ZFYVE16: variants seen among roughly 807,000 people sequenced by gnomAD.
ZFYVE16 encodes the protein zinc finger FYVE domain-containing protein 16.
ZFYVE16 carries 89 observed loss-of-function variants against 138.1 expected under a neutral mutation model. The ratio of observed to expected loss-of-function variants is 0.64; its 90% CI spans 0.54 to 0.77. The LOEUF (loss-of-function observed/expected upper bound fraction) is 0.77. Among genes scored for constraint, ZFYVE16 ranks in the 30% least tolerant of loss-of-function variants. ZFYVE16 has a pLI of 0.00. For missense variants in ZFYVE16, 1,793 were observed against 1,786.7 expected (o/e 1.00, Z -0.06); for synonymous variants, 596 against 618.3 (o/e 0.96, Z 0.53).
At chr5:80,410,849 C>G (rs1190456032) in intron 1 of ZFYVE16, among the ~76,000 whole-genome samples, 3 of 147,602 alleles carry the variant, frequency 2.0e-5, no homozygotes, top group Non-Finnish European at 4.5e-5. Flanking sequence ...ATTGCAGGTA[C>G]GAGCCACCTC....
At chr5:80,430,219 C>T (rs1748787869) in intron 2 of ZFYVE16, among the ~76,000 whole-genome samples, 2 of 152,190 alleles carry the variant, frequency 1.3e-5, no homozygotes, top group East Asian at 3.9e-4. Context: ...TGTAAAAGAA[C>T]AGAAATTATA....
At chr5:80,464,198 G>A (rs968297983) in intron 15 of ZFYVE16, among the ~76,000 whole-genome samples, 5 of 152,088 alleles carry the variant, frequency 3.3e-5, no homozygotes, top group African/African-American at 9.7e-5. Flanking sequence ...TTCTCATGCT[G>A]CTATAAGGAC....
At chr5:80,443,748 C>G (rs1354384811) in intron 6 of ZFYVE16, 1 of 456,330 alleles carries the variant, frequency 2.2e-6, no homozygotes, top group Admixed American at 2.3e-5. Context: ...GAACCAGAAA[C>G]AAAGAATTCC....
At chr5:80,413,002 T>G (rs1023346715) in intron 1 of ZFYVE16, among the ~76,000 whole-genome samples, 5 of 150,552 alleles carry the variant, frequency 3.3e-5, no homozygotes, top group African/African-American at 1.2e-4. Flanking sequence ...TAGTGAGACC[T>G]TGTCTCCACA....
At chr5:80,448,791 A>C (rs1177179038) in intron 8 of ZFYVE16, among the ~76,000 whole-genome samples, 1 of 152,076 alleles carries the variant, frequency 6.6e-6, no homozygotes, top group Admixed American at 6.6e-5. Context: ...CTTGTCTGCT[A>C]CTTTTTACAT....
At chr5:80,449,974 C>T (rs1251997557) in intron 9 of ZFYVE16, among the ~76,000 whole-genome samples, 2 of 152,106 alleles carry the variant, frequency 1.3e-5, no homozygotes, top group Non-Finnish European at 2.9e-5. Flanking sequence ...TATTTTGATA[C>T]TCATGATACA....
intron 16 of ZFYVE16, among the ~76,000 whole-genome samples, chr5:80,473,334 A>G (rs1225548031): frequency 6.6e-6 from 1 of 152,212 alleles, no homozygotes; most frequent in African/African-American, 2.4e-5. Context: ...TATTTACATT[A>G]GAGGCCTTAC....
In ZFYVE16 at chr5:80,409,445, C is replaced by T. The variant is rs183035851; in HGVS notation, c.-94+1292C>T. ...CCAATAGAGTTTTTGGTTCCTAATG[C>T]TGCAGTATATTTACCATTTTGGAAA... On this transcript the variant is annotated intron_variant, in intron 1 of 18. Coordinates refer to ENST00000505560, the MANE Select transcript of ZFYVE16 (RefSeq NM_001284236.3). 6.1e-3 allele frequency among the ~76,000 whole-genome samples: 932 copies of T among 152,228 alleles called. 10 individuals are homozygous for T. Among genetic ancestry groups the T allele is most frequent in the African/African-American group, 0.021 (860 of 41,536 alleles).
chr5:80,415,369 G>A (rs754376314), intron 1 of ZFYVE16, among the ~76,000 whole-genome samples: 33 of 151,942 alleles, frequency 2.2e-4, no homozygotes, highest in Admixed American at 3.9e-4. Flanking sequence ...TACTTTATTC[G>A]CATTTCCTCA....
intron 1 of ZFYVE16, chr5:80,411,543 A>T (rs1344102232): frequency 6.6e-6 from 1 of 152,218 alleles, no homozygotes; most frequent in South Asian, 2.1e-4. Flanking sequence ...AGTACATATA[A>T]CTGGGCAAAG....
rs1750170995 is a variant in ZFYVE16 at position 80,437,909 on chromosome 5, A to G, written c.1224A>G (p.Gln408=). ...LPQHEHKDNI[Q]DAVTIHEEIQ... is the part of the protein sequence containing the mutation. The stretch of plus-strand genomic sequence containing the variant: ...AGCATGAACATAAAGATAATATACA[A>G]GATGCAGTGACTATACATGAAGAAA... Residue 408 remains glutamine (Q), a synonymous_variant, in exon 4 of 19, where the codon CAA becomes CAG. Transcript: ENST00000505560. 6.2e-7 allele frequency: 1 copy of G among 1,613,938 alleles called. No homozygotes were observed. The highest frequency in any genetic ancestry group is 8.5e-7 in the Non-Finnish European group (1 of 1,179,960).
chr5:80,474,687 G>T lies in ZFYVE16; in HGVS notation c.4318G>T (p.Asp1440Tyr), dbSNP rs753351362. Residue 1440 changes from aspartate (D) to tyrosine (Y), a missense_variant, in exon 18 of 19, where the codon GAT becomes TAT. Transcript: ENST00000505560. ...TEVFYFLKDQ[D>Y]LSILSTSYQF... ...GGTGTTCTACTTTCTAAAGGACCAG[G>T]ATTTATCTATTTTATCAACTTCTTA... is the stretch of plus-strand genomic sequence containing the variant. 1.2e-6 allele frequency: 2 copies of T among 1,613,284 alleles called. No homozygotes were observed. Among genetic ancestry groups the T allele is most frequent in the Non-Finnish European group, 1.7e-6 (2 of 1,179,534 alleles).
intron 1 of ZFYVE16, among the ~76,000 whole-genome samples, chr5:80,422,655 A>G (rs56082733): frequency 1.3e-5 from 2 of 152,100 alleles, no homozygotes; most frequent in African/African-American, 2.4e-5. Context: ...GGGTTTCACC[A>G]TGTTGGCCTG....
rs1351595170 is a variant in ZFYVE16 at position 80,480,387 on chromosome 5, A to G, written c.*3010A>G. 6.6e-6 allele frequency among the ~76,000 whole-genome samples: 1 copy of G among 151,914 alleles called. No homozygotes were observed. The highest frequency in any genetic ancestry group is 2.4e-5 in the African/African-American group (1 of 41,398). Reference sequence around the variant, plus strand: ...TGGGGTAGTTTATAAACTGGAAGATAACTCAGGAGAAACTATTCACAGTGC... The same window carrying G: ...TGGGGTAGTTTATAAACTGGAAGATGACTCAGGAGAAACTATTCACAGTGC... On this transcript the variant is annotated 3_prime_UTR_variant, in exon 19 of 19. Coordinates refer to ENST00000505560, the MANE Select transcript of ZFYVE16 (RefSeq NM_001284236.3).
At position 80,449,679 on chromosome 5, in the gene ZFYVE16, T is replaced by C; in HGVS notation, c.3192T>C (p.Asn1064=). 6.2e-7 allele frequency: 1 copy of C among 1,609,072 alleles called. No homozygotes were observed. Among genetic ancestry groups the C allele is most frequent in the Non-Finnish European group, 8.5e-7 (1 of 1,177,850 alleles). The change falls in exon 9 of 19, where the codon AAT becomes AAC. Residue 1064 remains asparagine (N), a synonymous_variant. Transcript: ENST00000505560. ...ESFHPVTFVL[N]ANLLVNVKFI... is the part of the protein sequence containing the mutation. ...TTCATCCTGTTACATTTGTCCTAAA[T>C]GCTAATCTACTCGTGAATGTCAAAT...
At position 80,474,738 on chromosome 5, in the gene ZFYVE16, G is replaced by A; in HGVS notation, c.4369G>A (p.Ala1457Thr). 5.0e-6 allele frequency: 8 copies of A among 1,613,922 alleles called. No homozygotes were observed. Among genetic ancestry groups the A allele is most frequent in the Non-Finnish European group, 6.8e-6 (8 of 1,179,892 alleles). ...SYQFAKEIAMACSAALCPHLK... is the reference protein window; with the variant it reads ...SYQFAKEIAMTCSAALCPHLK... ...TCAGTTTGCAAAAGAAATAGCCATGGCTTGTAGTGCTGCGCTGTGCCCTCA... is the reference window on the plus strand; with the variant it reads ...TCAGTTTGCAAAAGAAATAGCCATGACTTGTAGTGCTGCGCTGTGCCCTCA... Residue 1457 changes from alanine (A) to threonine (T), a missense_variant, in exon 18 of 19, where the codon GCT (alanine) becomes ACT (threonine). Transcript: ENST00000505560.
Position 80,440,295 on chromosome 5 carries a change from G to C in ZFYVE16, c.2419+263G>C, listed in dbSNP as rs1218020482. The C allele has an allele frequency of 5.5e-6, 6 of 1,091,562 alleles. No individual in the cohort carries two copies. The African/African-American group carries it at 9.9e-5, about 18-fold the overall frequency. 67.6% of individuals were successfully genotyped at this position (1,091,562 alleles called of 1,614,324 possible). A position where few individuals can be genotyped will look rare whatever the true frequency, so the allele number is the denominator to read the frequency against. ...AACAGGTACCAAGTCCCTAAATGCTGCATTTCATCTGCCTATTTGTTTTTG... is the reference window on the plus strand; with the variant it reads ...AACAGGTACCAAGTCCCTAAATGCTCCATTTCATCTGCCTATTTGTTTTTG... On this transcript the variant is annotated intron_variant, in intron 5 of 18. Coordinates refer to ENST00000505560, the MANE Select transcript of ZFYVE16 (RefSeq NM_001284236.3).
In ZFYVE16 at chr5:80,440,657, G is replaced by GGTGTGTGTGTGTGTGTGTGT. The variant is rs141202687; in HGVS notation, c.2419+653_2419+672dup. 151 of 749,690 alleles carry GGTGTGTGTGTGTGTGTGTGT rather than the reference G, an allele frequency of 2.0e-4. 3 individuals carry two copies. The highest frequency in any genetic ancestry group is 1.8e-3 in the East Asian group (11 of 6,278). The allele number at this position is 749,690 out of a possible 1,614,324, so 46.4% of individuals were successfully genotyped here. On this transcript the variant is annotated intron_variant, in intron 5 of 18. Coordinates refer to ENST00000505560, the MANE Select transcript of ZFYVE16 (RefSeq NM_001284236.3). The stretch of plus-strand genomic sequence containing the variant: ...TCTTGGTGGTCTTTGAGTTCTCACA[G>GGTGTGTGTGTGTGTGTGTGT]GTGTGTGTGTGTGTGTGTGTGTGTG...
At position 80,483,230 on chromosome 5, in the gene ZFYVE16, T is replaced by C. The variant is rs900603635; in HGVS notation, c.*5853T>C. 5 of 152,186 alleles carry C rather than the reference T, an allele frequency of 3.3e-5. No individual in the cohort carries two copies. The highest frequency in any genetic ancestry group is 1.2e-4 in the African/African-American group (5 of 41,442). The allele number at this position is 152,186 out of a possible 1,614,324, so 9.4% of individuals were successfully genotyped here. ...TAATTCATTGCTAGTAGTCCTCCTT[T>C]AACAGAAATGGTAAAGGAAGTTCAT... is the stretch of plus-strand genomic sequence containing the variant. On this transcript the variant is annotated 3_prime_UTR_variant, in exon 19 of 19. Transcript: ENST00000505560.
Sources: gnomAD v4.1 joint callset for allele counts (sites outside exome capture counted in the v4.1 genomes callset) on GRCh38, gnomAD v4.1.1 for gene constraint, MANE v1.5 for transcripts, NCBI Gene and HGNC (gene_info 2026-07-23, HGNC 2026-07-21) for gene names.